The following FERRY3 variants were observed in gnomAD, a reference collection of about 807,000 sequenced individuals.
FERRY3 encodes the protein protein C12orf4.
the FERRY3 span, chr12:4,489,747 A>G: frequency 8.1e-7 from 1 of 1,232,738 alleles, no homozygotes; most frequent in Non-Finnish European, 1.2e-6. Context: ...TTCCCAGCAT[A>G]GCACAAGTTC....
the FERRY3 span, chr12:4,500,402 G>C: frequency 7.0e-7 from 1 of 1,431,030 alleles, no homozygotes; most frequent in Non-Finnish European, 9.8e-7. Flanking sequence ...TCATCAATGG[G>C]CTTTATAAGT....
the FERRY3 span, among the ~76,000 whole-genome samples, chr12:4,514,541 T>C: frequency 2.0e-5 from 3 of 151,950 alleles, no homozygotes; most frequent in South Asian, 2.1e-4. Context: ...GTGGCACATA[T>C]ACACCATGGA....
At chr12:4,529,805 T>C in the FERRY3 span, 1 of 1,321,274 alleles carries the variant, frequency 7.6e-7, no homozygotes. Flanking sequence ...AAACAAGTTG[T>C]TCTGCAGGCC....
the FERRY3 span, among the ~76,000 whole-genome samples, chr12:4,522,852 CACA>C: frequency 4.6e-5 from 7 of 152,310 alleles, no homozygotes; most frequent in East Asian, 1.9e-4. Flanking sequence ...CACTAATAAA[CACA>C]ACAACTCCAA....
chr12:4,531,841 G>A, the FERRY3 span, among the ~76,000 whole-genome samples: 1 of 152,124 alleles, frequency 6.6e-6, no homozygotes, highest in East Asian at 1.9e-4. Context: ...ATCAACCTGG[G>A]TTACTTGGAT....
chr12:4,490,354 A>T, the FERRY3 span, among the ~76,000 whole-genome samples: 1 of 152,334 alleles, frequency 6.6e-6, no homozygotes, highest in South Asian at 2.1e-4. Flanking sequence ...TATCTTTGAC[A>T]ATACACTAAG....
the FERRY3 span, among the ~76,000 whole-genome samples, chr12:4,531,908 CT>C: frequency 6.6e-6 from 1 of 152,094 alleles, no homozygotes; most frequent in Non-Finnish European, 1.5e-5. Context: ...ACTCTACAAT[CT>C]TTACTGTGGA....
chr12:4,516,389 C>CATTCT, the FERRY3 span, among the ~76,000 whole-genome samples: 1 of 152,140 alleles, frequency 6.6e-6, no homozygotes, highest in Non-Finnish European at 1.5e-5. Context: ...GAATAGAAAT[C>CATTCT]ATTCTATATA....
chr12:4,501,326 T>C, the FERRY3 span, among the ~76,000 whole-genome samples: 1 of 152,126 alleles, frequency 6.6e-6, no homozygotes, highest in Non-Finnish European at 1.5e-5. Context: ...ATATATATCA[T>C]ATTATATCTC....
the FERRY3 span, among the ~76,000 whole-genome samples, chr12:4,490,848 A>G: frequency 8.5e-5 from 13 of 152,172 alleles, no homozygotes; most frequent in Admixed American, 6.5e-5. Flanking sequence ...GTCTCCATAC[A>G]ATGAAGCCAA....
the FERRY3 span, among the ~76,000 whole-genome samples, chr12:4,522,383 C>G: frequency 6.6e-6 from 1 of 152,146 alleles, no homozygotes; most frequent in Non-Finnish European, 1.5e-5. Context: ...ATAAAGAACT[C>G]TCACAACTCA....
the FERRY3 span, among the ~76,000 whole-genome samples, chr12:4,491,466 AAT>A: frequency 7.9e-5 from 12 of 152,126 alleles, no homozygotes; most frequent in Admixed American, 3.9e-4. Context: ...ACAGTTAAAA[AAT>A]ATATATATCC....
the FERRY3 span, among the ~76,000 whole-genome samples, chr12:4,498,937 A>G: frequency 0.19 from 29,487 of 152,152 alleles, 4,405 homozygotes; most frequent in African/African-American, 0.41. Context: ...CTTGCCCTTC[A>G]ATGCTCACCT....
chr12:4,517,092 G>C, the FERRY3 span: 1 of 1,579,246 alleles, frequency 6.3e-7, no homozygotes, highest in Admixed American at 1.8e-5. Flanking sequence ...TCCTGCGCTG[G>C]GTTCTAGCAT....
chr12:4,535,666 T>G, the FERRY3 span, among the ~76,000 whole-genome samples: 6 of 152,234 alleles, frequency 3.9e-5, no homozygotes, highest in East Asian at 9.6e-4. This position sits in a 1 kb window ranked among gnomAD's most constrained non-coding sequence, Gnocchi z 4.0. Context: ...GACCAGATTA[T>G]TAAAAGGGCA....
the FERRY3 span, chr12:4,525,113 G>A: frequency 1.9e-6 from 2 of 1,045,404 alleles, no homozygotes; most frequent in Non-Finnish European, 1.4e-6. Context: ...GCAAAAGGTG[G>A]TAAAAGCACA....
chr12:4,528,938 C>G, the FERRY3 span, among the ~76,000 whole-genome samples: 2 of 118,682 alleles, frequency 1.7e-5, no homozygotes, highest in East Asian at 4.3e-4. Flanking sequence ...CACACACACA[C>G]AAACAAAAGT....
the FERRY3 span, chr12:4,535,963 C>T: frequency 2.2e-6 from 3 of 1,366,568 alleles, no homozygotes; most frequent in Non-Finnish European, 2.9e-6. The surrounding 1 kb of genome is among the most constrained non-coding windows in gnomAD (Gnocchi z 4.0). Context: ...CTTCCAATGA[C>T]AGACTATTGA....
At chr12:4,511,998 CTAAT>C in the FERRY3 span, among the ~76,000 whole-genome samples, 1 of 111,480 alleles carries the variant, frequency 9.0e-6, no homozygotes, top group Non-Finnish European at 1.8e-5. Flanking sequence ...GCTAGCAAGA[CTAAT>C]AAAGAAAAAA....
Sources: allele counts gnomAD v4.1 joint callset (sites outside exome capture counted in the v4.1 genomes callset), GRCh38; gene constraint gnomAD v4.1.1; non-coding constraint Gnocchi (gnomAD v3.1); transcripts MANE v1.5; gene names NCBI Gene and HGNC (gene_info 2026-07-23, HGNC 2026-07-21).